Variants in ELAVL4 observed in about 807,000 individuals in gnomAD.
ELAVL4 encodes ELAV like RNA binding protein 4.
A neutral mutation model predicts 35.6 loss-of-function variants in ELAVL4; 1 was observed. That is an observed-to-expected ratio of 0.03 (90% CI 0.01 to 0.13). The LOEUF is 0.13. Ranked by LOEUF, ELAVL4 falls within the 10% of genes least tolerant of loss-of-function variation. ELAVL4 has a pLI of 1.00. For synonymous variants in ELAVL4, 156 were observed against 171.0 expected (o/e 0.91, Z 0.69); for missense variants, 267 against 464.9 (o/e 0.57, Z 3.91).
At chr1:50,177,641 A>T (rs1680277956) in intron 3 of ELAVL4, among the ~76,000 whole-genome samples, 1 of 152,094 alleles carries the variant, frequency 6.6e-6, no homozygotes, top group Non-Finnish European at 1.5e-5. Context: ...AAAGATGAGG[A>T]TGGGAGGTGG....
At chr1:50,198,001 C>T (rs189955365) in intron 6 of ELAVL4, among the ~76,000 whole-genome samples, 1 of 152,322 alleles carries the variant, frequency 6.6e-6, no homozygotes. Context: ...CTCCTGCCCC[C>T]ACTTCAGTGT....
intron 1 of ELAVL4, among the ~76,000 whole-genome samples, chr1:50,065,573 A>G (rs1664219377): frequency 6.6e-6 from 1 of 152,206 alleles, no homozygotes; most frequent in South Asian, 2.1e-4. Context: ...CAAAGTGCTC[A>G]TTAGCAGAAT....
chr1:50,144,743 T>C (rs1156783653), intron 1 of ELAVL4: 1 of 765,750 alleles, frequency 1.3e-6, no homozygotes. Context: ...CTAGTCTGTG[T>C]TCAAAATCTA....
chr1:50,131,033 A>G lies in ELAVL4; in HGVS notation c.10-13924A>G, dbSNP rs528781689. ...AAAAGAATATATTAAGAGTTGCAAG[A>G]GTTTACCAAACAAATTTTCTTTGTA... On this transcript the variant is annotated intron_variant, in intron 1 of 6. Transcript: ENST00000371824. Among the ~76,000 whole-genome samples the G allele has an allele frequency of 7.2e-5, 11 of 152,294 alleles. 1 individual carries two copies. In the South Asian group the frequency reaches 2.3e-3, roughly 32 times the overall value.
At chr1:50,194,499 A>C (rs1683133916) in intron 4 of ELAVL4, among the ~76,000 whole-genome samples, 1 of 152,194 alleles carries the variant, frequency 6.6e-6, no homozygotes, top group Non-Finnish European at 1.5e-5. Context: ...ACTTTTAATG[A>C]CAAGGTGTTT....
intron 1 of ELAVL4, among the ~76,000 whole-genome samples, chr1:50,089,578 C>T (rs1278549786): frequency 6.6e-6 from 1 of 152,058 alleles, no homozygotes; most frequent in Non-Finnish European, 1.5e-5. Context: ...CATGGCAAAA[C>T]ACCATCTCTA....
At chr1:50,132,048 C>T (rs1011723734) in intron 1 of ELAVL4, among the ~76,000 whole-genome samples, 1 of 152,100 alleles carries the variant, frequency 6.6e-6, no homozygotes, top group African/African-American at 2.4e-5. Context: ...AAAGTGCTTG[C>T]CTCAGAGCAG....
At chr1:50,064,458 G>A (rs553361269) in intron 1 of ELAVL4, among the ~76,000 whole-genome samples, 1 of 152,006 alleles carries the variant, frequency 6.6e-6, no homozygotes, top group East Asian at 1.9e-4. Context: ...TCTATTGATT[G>A]GCATGACGTG....
chr1:50,108,882 AGATG>A, upstream of ELAVL4: 1 of 1,045,132 alleles, frequency 9.6e-7, no homozygotes, highest in Non-Finnish European at 1.2e-6. Flanking sequence ...TTCGGCTGAC[AGATG>A]GTCCCATAAA....
At chr1:50,048,061 A>G in exon 1 of ELAVL4, 1 of 1,340,972 alleles carries the variant, frequency 7.5e-7, no homozygotes, top group South Asian at 1.6e-5. Flanking sequence ...CCGCAGAGCG[A>G]GCTAGAGAGC....
At chr1:50,135,048 T>C (rs1671650234) in intron 1 of ELAVL4, among the ~76,000 whole-genome samples, 1 of 152,218 alleles carries the variant, frequency 6.6e-6, no homozygotes. Context: ...ATGCTTTTCA[T>C]ATCCGTGCTG....
At chr1:50,110,287 C>T (rs901100047) in intron 1 of ELAVL4, among the ~76,000 whole-genome samples, 1 of 152,088 alleles carries the variant, frequency 6.6e-6, no homozygotes, top group African/African-American at 2.4e-5. Flanking sequence ...TGTCCACCGC[C>T]TCTGTGAGCC....
upstream of ELAVL4, chr1:50,104,076 C>A: frequency 6.4e-7 from 1 of 1,550,936 alleles, no homozygotes; most frequent in Non-Finnish European, 8.9e-7. Flanking sequence ...GCTGGATTTG[C>A]CTTAGGGTAA....
At chr1:50,101,764 T>G (rs1440937270), upstream of ELAVL4, among the ~76,000 whole-genome samples, 1 of 152,116 alleles carries the variant, frequency 6.6e-6, no homozygotes, top group African/African-American at 2.4e-5. Context: ...AAATTCTTAA[T>G]TAATAAACAC....
chr1:50,062,764 G>C (rs1271657225), intron 1 of ELAVL4, among the ~76,000 whole-genome samples: 1 of 152,150 alleles, frequency 6.6e-6, no homozygotes, highest in African/African-American at 2.4e-5. Context: ...AGCAGGTGTG[G>C]ATTTGGGATG....
intron 1 of ELAVL4, among the ~76,000 whole-genome samples, chr1:50,068,314 G>A (rs376215544): frequency 5.3e-5 from 8 of 152,120 alleles, no homozygotes; most frequent in African/African-American, 7.2e-5. Flanking sequence ...TTGGTATGGC[G>A]GTGGGTGAGA....
intron 3 of ELAVL4, chr1:50,180,984 A>T (rs1224469113): frequency 2.0e-5 from 3 of 152,178 alleles, no homozygotes; most frequent in Non-Finnish European, 4.4e-5. Flanking sequence ...TAGGTGCTTT[A>T]CACACATCAA....
intron 3 of ELAVL4, among the ~76,000 whole-genome samples, chr1:50,189,329 G>A (rs2773153): frequency 0.013 from 2,041 of 152,304 alleles, 39 homozygotes; most frequent in African/African-American, 0.046. Context: ...TGTGGGTGCT[G>A]CATGGGAAGA....
At chr1:50,119,107 C>T (rs1467771517) in intron 1 of ELAVL4, among the ~76,000 whole-genome samples, 1 of 146,908 alleles carries the variant, frequency 6.8e-6, no homozygotes, top group Non-Finnish European at 1.5e-5. Context: ...AGAAAAAGAT[C>T]CTTTGCTATG....
Sources: gnomAD v4.1 joint callset for allele counts (sites outside exome capture counted in the v4.1 genomes callset) on GRCh38, gnomAD v4.1.1 for gene constraint, MANE v1.5 for transcripts, NCBI Gene and HGNC (gene_info 2026-07-23, HGNC 2026-07-21) for gene names.